APOO: variants seen among roughly 807,000 people sequenced by gnomAD.
APOO encodes MICOS complex subunit MIC26.
Under a neutral mutation model 23.1 loss-of-function variants are expected in APOO, and 11 were observed. The ratio of observed to expected loss-of-function variants is 0.48; its 90% CI spans 0.30 to 0.79. APOO has a LOEUF of 0.79. Ranked by LOEUF, APOO falls within the 30% of genes least tolerant of loss-of-function variation. The pLI is 0.07. For missense variants in APOO, 160 were observed against 142.7 expected, an observed-to-expected ratio of 1.12 and a Z score of -0.62; for synonymous variants, 59 against 54.8, an observed-to-expected ratio of 1.08 and a Z score of -0.34.
intron 1 of APOO, among the ~76,000 whole-genome samples, chrX:23,888,476 C>T (rs1307462428): frequency 1.8e-5 from 2 of 111,690 alleles, no homozygotes; most frequent in Non-Finnish European, 3.8e-5. Flanking sequence ...CAGACAAGGT[C>T]CCTGCTCTTA....
At chrX:23,838,357 C>CAAAAAAAAAAAAAAA (rs764414297) in intron 8 of APOO, among the ~76,000 whole-genome samples, 2 of 20,057 alleles carry the variant, frequency 1.0e-4, no homozygotes, top group African/African-American at 3.8e-4. Flanking sequence ...AACTCTATCT[C>CAAAAAAAAAAAAAAA]AAAAAAAAAA....
In APOO at chrX:23,907,688, T is replaced by C. The variant is rs1269266677; in HGVS notation, c.9+6A>G. The C allele has an allele frequency of 8.6e-7, 1 of 1,158,610 alleles. No homozygotes were observed. Among genetic ancestry groups the C allele is most frequent in the Non-Finnish European group, 1.1e-6 (1 of 869,797 alleles). On this transcript the variant is annotated splice_donor_region_variant and intron_variant, in intron 1 of 8. Transcript: ENST00000379226. ...TGACAGCTGTGACTCGACTCCACGC[T>C]CTCACCTTGAACATGTCGCTGGCAG...
intron 1 of APOO, among the ~76,000 whole-genome samples, chrX:23,885,493 T>G (rs1401257087): frequency 9.3e-6 from 1 of 108,024 alleles, no homozygotes; most frequent in Non-Finnish European, 1.9e-5. Context: ...ACTCCTGAGC[T>G]CAAGCAATCC....
At chrX:23,841,783 C>T (rs926839727) in intron 7 of APOO, among the ~76,000 whole-genome samples, 3 of 110,630 alleles carry the variant, frequency 2.7e-5, no homozygotes, top group African/African-American at 6.6e-5. Flanking sequence ...AACCCAGAGG[C>T]CTTTTTGCTG....
intron 1 of APOO, among the ~76,000 whole-genome samples, chrX:23,904,127 A>G (rs183633142): frequency 8.9e-6 from 1 of 111,747 alleles, no homozygotes; most frequent in Admixed American, 9.5e-5. Flanking sequence ...TATCTCATCT[A>G]GCTTATATCT....
intron 3 of APOO, among the ~76,000 whole-genome samples, chrX:23,877,512 G>A (rs1925911032): frequency 1.8e-5 from 2 of 112,002 alleles, no homozygotes; most frequent in African/African-American, 3.2e-5. Flanking sequence ...GGTGGCTCAC[G>A]CCTGTAATCC....
intron 1 of APOO, among the ~76,000 whole-genome samples, chrX:23,891,307 A>G (rs1403821173): frequency 2.7e-5 from 3 of 110,318 alleles, no homozygotes; most frequent in Non-Finnish European, 5.7e-5. Flanking sequence ...GCTCACTACA[A>G]TCTCCGCCTC....
intron 5 of APOO, among the ~76,000 whole-genome samples, chrX:23,865,360 T>C (rs1283789928): frequency 9.0e-6 from 1 of 110,505 alleles, no homozygotes; most frequent in Non-Finnish European, 1.9e-5. Context: ...TCCCAGCACT[T>C]TGGGAGGCTG....
Position 23,856,339 on chromosome X carries a change from A to G in APOO, c.524T>C (p.Ile175Thr). 1 of 1,210,515 alleles carries G rather than the reference A, an allele frequency of 8.3e-7. No homozygotes were observed. The highest frequency in any genetic ancestry group is 1.1e-6 in the Non-Finnish European group (1 of 894,868). Reference protein sequence around the residue: ...RLYDWGLRGYIVIEDLWKENF... With the variant: ...RLYDWGLRGYTVIEDLWKENF... The stretch of plus-strand genomic sequence containing the variant: ...CTCCTTCCACAAATCTTCTATGACT[A>G]TATATCCTCGTAAACCCCAGTCATA... Residue 175 changes from isoleucine to threonine, a missense_variant, in exon 7 of 9, where the codon ATA (isoleucine) becomes ACA (threonine). Ile to Thr is a moderately conservative substitution (Grantham distance 89). Transcript: ENST00000379226.
In APOO at chrX:23,876,843, T is replaced by C. The variant is rs377164886; in HGVS notation, c.237+2072A>G. Among the ~76,000 whole-genome samples the C allele has an allele frequency of 1.9e-4, 21 of 112,128 alleles. 1 individual carries two copies. The East Asian group carries it at 5.5e-3, about 30-fold the overall frequency. ...CAAAAAAACAAAATTAAATTGGTTC[T>C]TCAAGAAAAGGGCTAGAAATTGCTG... On this transcript the variant is annotated intron_variant, in intron 3 of 8. Transcript: ENST00000379226.
In APOO at chrX:23,882,149, G is replaced by T. The variant is rs142081752; in HGVS notation, c.10-1197C>A. ...ATCGTGGAAGCAAAAGAAATCTGTAGCAAAACTGCATTGAAATTAAGACCT... is the reference window on the plus strand; with the variant it reads ...ATCGTGGAAGCAAAAGAAATCTGTATCAAAACTGCATTGAAATTAAGACCT... On this transcript the variant is annotated intron_variant, in intron 1 of 8. Coordinates refer to ENST00000379226, the MANE Select transcript of APOO (RefSeq NM_024122.5). 2.9e-3 allele frequency among the ~76,000 whole-genome samples: 325 copies of T among 110,656 alleles called. 1 individual carries two copies. The highest frequency in any genetic ancestry group is 0.01 in the African/African-American group (309 of 30,414).
chrX:23,861,818 T>C (rs867129961), intron 5 of APOO, among the ~76,000 whole-genome samples: 5,220 of 81,541 alleles, frequency 0.064, 349 homozygotes, highest in African/African-American at 0.22. Flanking sequence ...TTTTTTTTTT[T>C]CCCGAGACGG....
chrX:23,889,296 T>C (rs955711368), intron 1 of APOO, among the ~76,000 whole-genome samples: 17 of 111,723 alleles, frequency 1.5e-4, no homozygotes, highest in African/African-American at 5.5e-4. Flanking sequence ...TGTTCTTGCT[T>C]TGCAAATAAA....
chrX:23,857,017 C>T (rs1186171443), intron 6 of APOO, among the ~76,000 whole-genome samples: 4 of 111,542 alleles, frequency 3.6e-5, no homozygotes, highest in Non-Finnish European at 1.9e-5. Flanking sequence ...CATGTTCTTA[C>T]TTGTAATTGG....
intron 8 of APOO, among the ~76,000 whole-genome samples, chrX:23,838,485 C>T (rs1010997737): frequency 1.8e-5 from 2 of 108,448 alleles, no homozygotes; most frequent in Non-Finnish European, 3.8e-5. Flanking sequence ...GGCACGATCT[C>T]GGCTCACTGC....
chrX:23,895,495 A>G (rs1926857193), intron 1 of APOO, among the ~76,000 whole-genome samples: 1 of 111,219 alleles, frequency 9.0e-6, no homozygotes, highest in South Asian at 3.8e-4. Flanking sequence ...CTATCAGGGG[A>G]TGGAGGGCAA....
intron 5 of APOO, among the ~76,000 whole-genome samples, chrX:23,862,515 C>T (rs770268962): frequency 9.2e-6 from 1 of 109,184 alleles, no homozygotes; most frequent in South Asian, 3.9e-4. Flanking sequence ...GTGGCTCATG[C>T]CTATAATCCT....
At chrX:23,861,447 C>A (rs1925023392) in intron 5 of APOO, among the ~76,000 whole-genome samples, 1 of 108,978 alleles carries the variant, frequency 9.2e-6, no homozygotes, top group African/African-American at 3.3e-5. Flanking sequence ...TCCTGTACAG[C>A]CTGCAGAACT....
intron 7 of APOO, among the ~76,000 whole-genome samples, chrX:23,842,820 A>T (rs1317101522): frequency 1.8e-5 from 2 of 111,787 alleles, no homozygotes; most frequent in Non-Finnish European, 3.8e-5. Flanking sequence ...ACCAGCCTGA[A>T]CAACAGGGAG....
Sources: gnomAD v4.1 joint callset for allele counts (sites outside exome capture counted in the v4.1 genomes callset) on GRCh38, gnomAD v4.1.1 for gene constraint, MANE v1.5 for transcripts, NCBI Gene and HGNC (gene_info 2026-07-23, HGNC 2026-07-21) for gene names.